Variants in ANKRD39 observed in about 807,000 individuals in gnomAD.
ANKRD39 encodes ankyrin repeat domain-containing protein 39.
Under a neutral mutation model 20.3 loss-of-function variants are expected in ANKRD39, and 18 were observed. The ratio of observed to expected loss-of-function variants is 0.89; its 90% CI spans 0.61 to 1.32. ANKRD39 has a LOEUF of 1.32. Ranked by LOEUF, ANKRD39 falls within the 40% of genes most tolerant of loss-of-function variation. The pLI is 0.00. For synonymous variants in ANKRD39, 106 were observed against 111.9 expected (o/e 0.95, Z 0.33); for missense variants, 243 against 250.7 (o/e 0.97, Z 0.21).
At chr2:96,853,308 T>C in intron 3 of ANKRD39, 93 bp downstream of exon 3, 5 of 1,415,268 alleles carry the variant, frequency 3.5e-6, no homozygotes, top group Admixed American at 2.0e-5. Flanking sequence ...CTGTCTTCTC[T>C]CTGATTTCCT....
chr2:96,848,448 T>G lies in ANKRD39; in HGVS notation c.409-4A>C. ...CCCCGTGACCCCTCTCAGCAGCCTG[T>G]GGAGAGAAAGGCTGGAATCAAAGGG... On this transcript the variant is annotated splice_region_variant and splice_polypyrimidine_tract_variant and intron_variant, in intron 3 of 3. Transcript: ENST00000393537. 6.2e-7 allele frequency: 1 copy of G among 1,613,814 alleles called. No individual in the cohort carries two copies. Among genetic ancestry groups the G allele is most frequent in the South Asian group, 1.1e-5 (1 of 91,064 alleles).
At chr2:96,854,517 T>A in intron 1 of ANKRD39, 76 bp from the exon 2 acceptor site, 1 of 1,356,072 alleles carries the variant, frequency 7.4e-7, no homozygotes, top group Non-Finnish European at 1.1e-6. Context: ...TGACCTCAGT[T>A]TTCTTGTCTA....
intron 3 of ANKRD39, among the ~76,000 whole-genome samples, chr2:96,852,407 AGAGAAG>A (rs2079842474): frequency 6.8e-6 from 1 of 146,242 alleles, no homozygotes; most frequent in Non-Finnish European, 1.5e-5. Flanking sequence ...AAAAAAAAAA[AGAGAAG>A]AAAAAAGAAA....
chr2:96,850,090 T>G (rs1574134457), intron 3 of ANKRD39, among the ~76,000 whole-genome samples: 1 of 152,332 alleles, frequency 6.6e-6, no homozygotes, highest in East Asian at 1.9e-4. Context: ...GCCTGAACTC[T>G]TATTAACTCT....
intron 1 of ANKRD39, among the ~76,000 whole-genome samples, chr2:96,855,729 A>T (rs1341829863): frequency 6.6e-6 from 1 of 151,800 alleles, no homozygotes; most frequent in Non-Finnish European, 1.5e-5. Flanking sequence ...TCTCAAAAAA[A>T]AAAAAAAAGA....
intron 1 of ANKRD39, among the ~76,000 whole-genome samples, chr2:96,856,873 A>G (rs2079868074): frequency 6.6e-6 from 1 of 152,226 alleles, no homozygotes; most frequent in Non-Finnish European, 1.5e-5. Context: ...TAACTCAGGA[A>G]AAGGTCTTGC....
intron 3 of ANKRD39, among the ~76,000 whole-genome samples, chr2:96,850,463 C>G (rs1010477369): frequency 6.6e-6 from 1 of 152,038 alleles, no homozygotes; most frequent in Non-Finnish European, 1.5e-5. Flanking sequence ...GTCAGGAGTT[C>G]GAGACCAGCC....
intron 3 of ANKRD39, among the ~76,000 whole-genome samples, chr2:96,851,508 C>T (rs2153359726): frequency 1.3e-5 from 2 of 152,232 alleles, no homozygotes; most frequent in East Asian, 3.9e-4. Flanking sequence ...CCAGCCTGGT[C>T]TCGAACTCCT....
chr2:96,854,382 C>T lies in ANKRD39; in HGVS notation c.160G>A (p.Ala54Thr). ...LGRVKHLIQK[A>T]EDPSQPDSAG... ...GAGTCGGGCTGACTTGGGTCCTCGG[C>T]CTTCTGGATTAAATGCTTCACTCGG... Residue 54 changes from alanine to threonine, a missense_variant, in exon 2 of 4, where the codon GCC (alanine) becomes ACC (threonine). Ala to Thr is a moderately conservative substitution (Grantham distance 58). Transcript: ENST00000393537. 2.5e-6 allele frequency: 4 copies of T among 1,614,158 alleles called. No individual in the cohort carries two copies. Among genetic ancestry groups the T allele is most frequent in the Non-Finnish European group, 2.5e-6 (3 of 1,180,018 alleles).
In ANKRD39 at chr2:96,855,849, G is replaced by A. The variant is rs553543172; in HGVS notation, c.101-1408C>T. 8.3e-4 allele frequency among the ~76,000 whole-genome samples: 125 copies of A among 150,752 alleles called. 1 individual carries two copies. The highest frequency in any genetic ancestry group is 1.5e-3 in the Non-Finnish European group (102 of 67,656). Reference sequence around the variant, plus strand: ...AACAAAATTAGCCGGGCATGGTGGCGGGCGCCTGTAGTCCCAGCTACTTGG... The same window carrying A: ...AACAAAATTAGCCGGGCATGGTGGCAGGCGCCTGTAGTCCCAGCTACTTGG... On this transcript the variant is annotated intron_variant, in intron 1 of 3. Transcript: ENST00000393537.
chr2:96,850,045 G>T (rs773659388), intron 3 of ANKRD39, among the ~76,000 whole-genome samples: 1 of 152,204 alleles, frequency 6.6e-6, no homozygotes, highest in Non-Finnish European at 1.5e-5. Context: ...AAGTCACAGG[G>T]CTAACGTGTC....
Position 96,848,159 on chromosome 2 carries a change from G to T in ANKRD39, c.*142C>A. 1 of 1,131,542 alleles carries T rather than the reference G, an allele frequency of 8.8e-7. No individual in the cohort carries two copies. The highest frequency in any genetic ancestry group is 1.2e-6 in the Non-Finnish European group (1 of 811,692). The allele number at this position is 1,131,542 out of a possible 1,614,324, so 70.1% of individuals were successfully genotyped here. A position where few individuals can be genotyped will look rare whatever the true frequency, so the allele number is the denominator to read the frequency against. On this transcript the variant is annotated 3_prime_UTR_variant, in exon 4 of 4. Transcript: ENST00000393537. The stretch of plus-strand genomic sequence containing the variant: ...TTAGCCACACCAAATCTACTCCCTC[G>T]CTTCCACAGTGACCAGACTGGGGCT...
At chr2:96,855,119 C>T (rs1045792577) in intron 1 of ANKRD39, among the ~76,000 whole-genome samples, 13 of 152,162 alleles carry the variant, frequency 8.5e-5, no homozygotes, top group African/African-American at 2.6e-4. Flanking sequence ...GGTGGCATGG[C>T]GACAGACAAC....
At position 96,857,969 on chromosome 2, in the gene ANKRD39, A is replaced by T; in HGVS notation, c.19T>A (p.Cys7Ser). The change falls in exon 1 of 4, where the codon TGC becomes AGC. Residue 7 changes from cysteine (C) to serine (S), a missense_variant. Coordinates refer to ENST00000393537, the MANE Select transcript of ANKRD39 (RefSeq NM_016466.6). ...TGCGAGCAGCAGGGCCCGTCCGCGC[A>T]GGGCCGAGGCGTCGCCATCCCGGCC... is the stretch of plus-strand genomic sequence containing the variant. MATPRP[C>S]ADGPCCSHPS... 6.5e-7 allele frequency: 1 copy of T among 1,549,782 alleles called. No homozygotes were observed. Among genetic ancestry groups the T allele is most frequent in the East Asian group, 2.4e-5 (1 of 41,452 alleles).
Position 96,854,367 on chromosome 2 carries a change from G to A in ANKRD39, c.175C>T (p.Gln59Ter). Residue 59 changes from glutamine (Q) to a stop codon, truncating the protein, a stop_gained, in exon 2 of 4, where the codon CAG becomes TAG. Transcript: ENST00000393537. LOFTEE classifies it high-confidence loss of function. ...HLIQKAEDPSQPDSAGYTALH... is the reference protein window; with the variant it reads ...HLIQKAEDPS ...GCAGTGTAGCCGGCCGAGTCGGGCT[G>A]ACTTGGGTCCTCGGCCTTCTGGATT... 6.2e-7 allele frequency: 1 copy of A among 1,614,140 alleles called. No individual in the cohort carries two copies. Among genetic ancestry groups the A allele is most frequent in the Non-Finnish European group, 8.5e-7 (1 of 1,180,024 alleles).
intron 1 of ANKRD39, among the ~76,000 whole-genome samples, chr2:96,856,447 C>T (rs889617670): frequency 2.1e-5 from 2 of 97,264 alleles, no homozygotes; most frequent in Non-Finnish European, 3.9e-5. Flanking sequence ...CCAGCCTGGA[C>T]AAAAGAGGGA....
chr2:96,854,511 C>T (rs2079853915), intron 1 of ANKRD39, 70 bp from the exon 2 acceptor site: 1 of 1,417,178 alleles, frequency 7.1e-7, no homozygotes, highest in Admixed American at 1.7e-5. Context: ...GCCTCTTGAC[C>T]TCAGTTTTCT....
At chr2:96,857,754 C>A in intron 1 of ANKRD39, 134 bp downstream of exon 1, 1 of 948,718 alleles carries the variant, frequency 1.1e-6, no homozygotes. Flanking sequence ...GGGTCCCGCC[C>A]GCCTTCCCGC....
In ANKRD39 at chr2:96,848,427, G is replaced by A. The variant is rs779999285; in HGVS notation, c.426C>T (p.His142=). The part of the protein sequence containing the change: ...TSLHKAAERG[H]GDICSLLLQH... ...GCAGGAGGAGGGAGCAGATGTCCCC[G>A]TGACCCCTCTCAGCAGCCTGTGGAG... is the stretch of plus-strand genomic sequence containing the variant. The change falls in exon 4 of 4, where the codon CAC becomes CAT. Residue 142 remains histidine, a synonymous_variant. Transcript: ENST00000393537. 24 of 1,614,082 alleles carry A rather than the reference G, an allele frequency of 1.5e-5. No individual in the cohort carries two copies. The highest frequency in any genetic ancestry group is 4.5e-5 in the East Asian group (2 of 44,882).
Sources: allele counts gnomAD v4.1 joint callset (sites outside exome capture counted in the v4.1 genomes callset), GRCh38; gene constraint gnomAD v4.1.1; transcripts MANE v1.5; gene names NCBI Gene and HGNC (gene_info 2026-07-23, HGNC 2026-07-21).